UBAP2: variants seen among roughly 807,000 people sequenced by gnomAD.
UBAP2 encodes the protein ubiquitin-associated protein 2.
A neutral mutation model predicts 139.6 loss-of-function variants in UBAP2; 75 were observed. That is an observed-to-expected ratio of 0.54 (90% CI 0.45 to 0.65). The LOEUF (loss-of-function observed/expected upper bound fraction) is 0.65, where lower values mean the gene tolerates loss of function less well. Ranked by LOEUF, UBAP2 falls within the 30% of genes least tolerant of loss-of-function variation. UBAP2 has a pLI of 0.00. For synonymous variants in UBAP2, 526 were observed against 526.2 expected (o/e 1.00, Z 0.01); for missense variants, 1,368 against 1,369.6 (o/e 1.00, Z 0.02).
intron 8 of UBAP2, among the ~76,000 whole-genome samples, chr9:33,971,265 A>G (rs2131053898): frequency 6.6e-6 from 1 of 152,342 alleles, no homozygotes; most frequent in Admixed American, 6.5e-5. Context: ...TCTATCATCT[A>G]CCACATTATC....
chr9:33,924,079 A>C, intron 23 of UBAP2, 79 bp from the exon 24 acceptor site: 1 of 1,591,810 alleles, frequency 6.3e-7, no homozygotes, highest in Non-Finnish European at 8.6e-7. Context: ...AAACAGGAAC[A>C]GGTCTGGCTG....
At chr9:34,018,600 A>G (rs2131285552) in intron 1 of UBAP2, among the ~76,000 whole-genome samples, 1 of 152,300 alleles carries the variant, frequency 6.6e-6, no homozygotes, top group East Asian at 1.9e-4. Flanking sequence ...ACGGTCACTC[A>G]CGCCTGTAAT....
At chr9:33,958,667 C>G (rs932981498) in intron 10 of UBAP2, among the ~76,000 whole-genome samples, 1 of 148,764 alleles carries the variant, frequency 6.7e-6, no homozygotes, top group East Asian at 2.0e-4. Flanking sequence ...CGCAGCCTCC[C>G]AAAATGCTGG....
intron 1 of UBAP2, among the ~76,000 whole-genome samples, chr9:34,032,719 T>A: frequency 6.6e-6 from 1 of 151,836 alleles, no homozygotes; most frequent in East Asian, 1.9e-4. Context: ...AGGTCCGGAG[T>A]TTGAGATCAG....
chr9:33,943,383 T>A, intron 15 of UBAP2, 37 bp downstream of exon 15: 1 of 1,603,560 alleles, frequency 6.2e-7, no homozygotes, highest in Non-Finnish European at 8.5e-7. Context: ...TCTCTTAGGG[T>A]CTATTTTGCT....
At chr9:33,978,610 C>G (rs1305163547) in intron 6 of UBAP2, among the ~76,000 whole-genome samples, 1 of 151,922 alleles carries the variant, frequency 6.6e-6, no homozygotes, top group Non-Finnish European at 1.5e-5. Context: ...GAAACCCCAT[C>G]TCTACTAAAA....
intron 1 of UBAP2, among the ~76,000 whole-genome samples, chr9:34,033,439 G>A (rs1273231078): frequency 6.6e-6 from 1 of 152,144 alleles, no homozygotes; most frequent in Non-Finnish European, 1.5e-5. Flanking sequence ...ATCACAGACA[G>A]TAGAAGGATG....
At chr9:34,038,917 C>G (rs1427560078) in intron 1 of UBAP2, among the ~76,000 whole-genome samples, 2 of 129,318 alleles carry the variant, frequency 1.5e-5, no homozygotes, top group Admixed American at 7.3e-5. Flanking sequence ...ATGTGGGGAG[C>G]GCCTCTGCCC....
intron 1 of UBAP2, among the ~76,000 whole-genome samples, chr9:34,043,418 C>T (rs534587959): frequency 1.2e-4 from 18 of 152,316 alleles, no homozygotes; most frequent in African/African-American, 3.8e-4. Flanking sequence ...TCACCTGCCT[C>T]GGCCTCCCAA....
intron 13 of UBAP2, among the ~76,000 whole-genome samples, chr9:33,945,194 T>C (rs1049901599): frequency 6.7e-6 from 1 of 148,848 alleles, no homozygotes; most frequent in Admixed American, 6.7e-5. Flanking sequence ...TATATATATA[T>C]GATGTTACAA....
chr9:33,934,546 T>C (rs551075539), intron 17 of UBAP2, among the ~76,000 whole-genome samples: 8 of 152,306 alleles, frequency 5.3e-5, no homozygotes, highest in African/African-American at 1.9e-4. Context: ...TATATAAACC[T>C]TGTTCATAGA....
chr9:33,987,061 G>T (rs1028995957), intron 5 of UBAP2, among the ~76,000 whole-genome samples: 2 of 152,102 alleles, frequency 1.3e-5, no homozygotes, highest in African/African-American at 4.8e-5. Context: ...TCCAGCTGAG[G>T]GGGGCAGATC....
chr9:34,040,776 C>G (rs1543605), intron 1 of UBAP2, among the ~76,000 whole-genome samples: 103,563 of 152,092 alleles, frequency 0.68, 35,898 homozygotes, highest in East Asian at 0.82. Flanking sequence ...GGCATCCACT[C>G]TGTGTATAAG....
chr9:33,963,217 G>T (rs1011721275), intron 9 of UBAP2, among the ~76,000 whole-genome samples: 11 of 152,248 alleles, frequency 7.2e-5, no homozygotes, highest in African/African-American at 2.6e-4. Flanking sequence ...AATTACAGGG[G>T]AAACTCCCAT....
At chr9:33,944,879 C>A (rs1825534478) in intron 13 of UBAP2, among the ~76,000 whole-genome samples, 1 of 152,098 alleles carries the variant, frequency 6.6e-6, no homozygotes, top group Non-Finnish European at 1.5e-5. Context: ...GAGTGATGAA[C>A]TCGTGAGAAC....
At position 33,941,831 on chromosome 9, in the gene UBAP2, T is replaced by C. The variant is rs765658855; in HGVS notation, c.1747A>G (p.Ser583Gly). ...EPLNTSLSMT[S>G]AVQNSTYTTS... ...GTATATGTGGAGTTCTGTACTGCAC[T>C]GGTCATTGATAAAGATGTATTCAAA... Residue 583 changes from serine (S) to glycine (G), a missense_variant, in exon 16 of 29, where the codon AGT (serine) becomes GGT (glycine). By Grantham distance (56) the Ser-to-Gly change is moderately conservative. Transcript: ENST00000379238. The C allele has an allele frequency of 4.3e-6, 7 of 1,613,674 alleles. No homozygotes were observed. The highest frequency in any genetic ancestry group is 5.9e-6 in the Non-Finnish European group (7 of 1,179,756).
chr9:33,992,389 C>CAAAA (rs33969994), intron 4 of UBAP2, among the ~76,000 whole-genome samples: 12 of 79,996 alleles, frequency 1.5e-4, no homozygotes, highest in African/African-American at 3.1e-4. Context: ...AACTCCATCT[C>CAAAA]AAAAAAAAAA....
At chr9:33,950,062 C>A (rs1037072346) in intron 12 of UBAP2, among the ~76,000 whole-genome samples, 2 of 142,878 alleles carry the variant, frequency 1.4e-5, no homozygotes, top group African/African-American at 2.6e-5. Flanking sequence ...AATAACATTT[C>A]TTTTCTTTTC....
intron 8 of UBAP2, among the ~76,000 whole-genome samples, chr9:33,970,342 A>G (rs1342661520): frequency 6.6e-6 from 1 of 152,034 alleles, no homozygotes; most frequent in Non-Finnish European, 1.5e-5. Flanking sequence ...GACCCTCTTT[A>G]CAGTTTCTCT....
Sources: gnomAD v4.1 joint callset for allele counts (sites outside exome capture counted in the v4.1 genomes callset) on GRCh38, gnomAD v4.1.1 for gene constraint, MANE v1.5 for transcripts, NCBI Gene and HGNC (gene_info 2026-07-23, HGNC 2026-07-21) for gene names.